Variants in RBMS3 observed in about 807,000 individuals in gnomAD.
RBMS3 encodes RNA-binding motif, single-stranded-interacting protein 3.
Under a neutral mutation model 66.8 loss-of-function variants are expected in RBMS3, and 27 were observed. The ratio of observed to expected loss-of-function variants is 0.40; its 90% CI spans 0.30 to 0.56. The LOEUF (loss-of-function observed/expected upper bound fraction) is 0.56, where lower values mean the gene tolerates loss of function less well. RBMS3 is among the 20% of genes least tolerant of loss of function. The pLI is 0.40. For synonymous variants in RBMS3, 188 were observed against 183.0 expected, an observed-to-expected ratio of 1.03 and a Z score of -0.22; for missense variants, 513 against 549.5, an observed-to-expected ratio of 0.93 and a Z score of 0.66.
chr3:29,694,510 A>T (rs1417103981), intron 4 of RBMS3, among the ~76,000 whole-genome samples: 1 of 152,194 alleles, frequency 6.6e-6, no homozygotes, highest in African/African-American at 2.4e-5. Context: ...AGTTAGCAAG[A>T]GTTACTCTGT....
chr3:29,772,335 G>T (rs1379482003), intron 6 of RBMS3, among the ~76,000 whole-genome samples: 3 of 152,002 alleles, frequency 2.0e-5, no homozygotes, highest in African/African-American at 7.2e-5. Context: ...ACAACGGAAA[G>T]CTAATATACT....
intron 2 of RBMS3, among the ~76,000 whole-genome samples, chr3:29,464,764 A>G (rs1293001052): frequency 2.6e-5 from 4 of 152,186 alleles, no homozygotes; most frequent in Non-Finnish European, 5.9e-5. Flanking sequence ...GGCCTTTCAG[A>G]CTTGTCCTCC....
intron 1 of RBMS3, among the ~76,000 whole-genome samples, chr3:29,306,247 C>T (rs544782494): frequency 6.6e-6 from 1 of 151,870 alleles, no homozygotes; most frequent in Non-Finnish European, 1.5e-5. Flanking sequence ...GGGTAAGGCA[C>T]CTGGACCCAA....
chr3:29,911,729 T>C (rs1289032887), intron 10 of RBMS3, among the ~76,000 whole-genome samples: 1 of 152,024 alleles, frequency 6.6e-6, no homozygotes, highest in Non-Finnish European at 1.5e-5. Flanking sequence ...GCTAAGTTAT[T>C]CAAACAATAA....
At chr3:29,508,087 C>T (rs1420399853) in intron 3 of RBMS3, among the ~76,000 whole-genome samples, 1 of 152,092 alleles carries the variant, frequency 6.6e-6, no homozygotes, top group African/African-American at 2.4e-5. Flanking sequence ...GAAAGAGAAA[C>T]TTCTAACTAC....
At chr3:29,988,050 C>A in intron 12 of RBMS3, 93 bp from the exon 13 acceptor site, 4 of 978,286 alleles carry the variant, frequency 4.1e-6, no homozygotes, top group East Asian at 2.5e-5. Context: ...TGGCTATGGG[C>A]CCCATAGCTA....
At chr3:29,476,567 G>A (rs2042955354) in intron 2 of RBMS3, among the ~76,000 whole-genome samples, 1 of 152,144 alleles carries the variant, frequency 6.6e-6, no homozygotes, top group Admixed American at 6.5e-5. Context: ...ACAAATAACA[G>A]CTTTACCTAG....
intron 4 of RBMS3, among the ~76,000 whole-genome samples, chr3:29,676,705 G>A (rs573646271): frequency 6.6e-6 from 1 of 152,220 alleles, no homozygotes; most frequent in East Asian, 1.9e-4. Context: ...TAGCTTTTGA[G>A]AGAAATCATA....
Position 30,002,935 on chromosome 3 carries a change from C to T in RBMS3, c.1308-921C>T, listed in dbSNP as rs188574468. ...TCAATCATACATCTTATATAGTAAA[C>T]AATCTGTAAAACTATACATAGTAAC... On this transcript the variant is annotated intron_variant, in intron 14 of 14. Coordinates refer to ENST00000383767, the MANE Select transcript of RBMS3 (RefSeq NM_001003793.3). Among the ~76,000 whole-genome samples, 733 of 152,082 alleles carry T rather than the reference C, an allele frequency of 4.8e-3. 4 individuals are homozygous for T. The highest frequency in any genetic ancestry group is 0.017 in the African/African-American group (698 of 41,508).
At chr3:29,413,372 T>TCATACATA (rs10530714) in intron 1 of RBMS3, among the ~76,000 whole-genome samples, 2,280 of 109,930 alleles carry the variant, frequency 0.021, 38 homozygotes, top group Non-Finnish European at 0.028. Context: ...TCCATCTCAT[T>TCATACATA]CATACATACA....
intron 1 of RBMS3, among the ~76,000 whole-genome samples, chr3:29,397,652 A>G (rs1398306649): frequency 6.6e-6 from 1 of 151,734 alleles, no homozygotes. Context: ...ATCCTTTCCT[A>G]TTATCCTCTT....
rs150535351 is a variant in RBMS3 at position 29,751,745 on chromosome 3, T to C, written c.558-11165T>C. Among the ~76,000 whole-genome samples, 11 of 152,276 alleles carry C rather than the reference T, an allele frequency of 7.2e-5. No homozygotes were observed. The East Asian group carries it at 1.9e-3, about 27-fold the overall frequency. ...TGGTTTTGAGACAGGATAGTTCCCT[T>C]GGTACCTTTGTGGGACTCACAAAGG... On this transcript the variant is annotated intron_variant, in intron 5 of 14. Coordinates refer to ENST00000383767, the MANE Select transcript of RBMS3 (RefSeq NM_001003793.3).
intron 4 of RBMS3, among the ~76,000 whole-genome samples, chr3:29,659,965 C>G (rs1447336518): frequency 3.3e-5 from 5 of 152,218 alleles, no homozygotes; most frequent in East Asian, 3.9e-4. Flanking sequence ...ATTTGCATTT[C>G]CCTAATGGTT....
At chr3:29,558,030 A>AC (rs1471709190) in intron 3 of RBMS3, among the ~76,000 whole-genome samples, 2 of 152,182 alleles carry the variant, frequency 1.3e-5, no homozygotes, top group African/African-American at 4.8e-5. Flanking sequence ...TGAAAAGAAG[A>AC]CAGGATATGA....
At chr3:29,926,422 C>G (rs2149668807) in intron 10 of RBMS3, among the ~76,000 whole-genome samples, 1 of 152,220 alleles carries the variant, frequency 6.6e-6, no homozygotes, top group East Asian at 1.9e-4. Context: ...TTAGTAATAG[C>G]CAAAAATTGA....
At chr3:29,651,807 G>T (rs2050153633) in intron 4 of RBMS3, among the ~76,000 whole-genome samples, 1 of 152,032 alleles carries the variant, frequency 6.6e-6, no homozygotes, top group African/African-American at 2.4e-5. Context: ...TGATAGCTTT[G>T]CAAGATCTCA....
chr3:29,427,820 C>A (rs2041019604), intron 1 of RBMS3, among the ~76,000 whole-genome samples: 1 of 152,128 alleles, frequency 6.6e-6, no homozygotes, highest in Non-Finnish European at 1.5e-5. Flanking sequence ...CCAACTGCCT[C>A]AGGATCCTGC....
At chr3:29,588,671 A>C (rs1438797595) in intron 4 of RBMS3, among the ~76,000 whole-genome samples, 1 of 152,084 alleles carries the variant, frequency 6.6e-6, no homozygotes, top group African/African-American at 2.4e-5. Context: ...TGTATTCTTC[A>C]TCAAGATTAT....
intron 1 of RBMS3, among the ~76,000 whole-genome samples, chr3:29,415,110 T>G (rs1015014017): frequency 6.6e-6 from 1 of 152,184 alleles, no homozygotes; most frequent in African/African-American, 2.4e-5. Context: ...TAACGCACAT[T>G]TTTTAAAATA....
Sources: gnomAD v4.1 joint callset for allele counts (sites outside exome capture counted in the v4.1 genomes callset) on GRCh38, gnomAD v4.1.1 for gene constraint, MANE v1.5 for transcripts, NCBI Gene and HGNC (gene_info 2026-07-23, HGNC 2026-07-21) for gene names.